USH2A: variants seen among roughly 807,000 people sequenced by gnomAD.
USH2A encodes the protein usherin.
A neutral mutation model predicts 538.9 loss-of-function variants in USH2A; 443 were observed. That is an observed-to-expected ratio of 0.82 (90% CI 0.76 to 0.89). The LOEUF is 0.89. USH2A is among the 40% of genes least tolerant of loss of function. The pLI is 0.00. For synonymous variants in USH2A, 2,413 were observed against 2,273.5 expected (o/e 1.06, Z -1.75); for missense variants, 6,633 against 6,324.8 (o/e 1.05, Z -1.65).
chr1:216,083,323 G>A, intron 26 of USH2A, 133 bp downstream of exon 26: 6 of 1,039,170 alleles, frequency 5.8e-6, no homozygotes. Flanking sequence ...AACTAAAAAT[G>A]ACTGGGAAAA....
At chr1:215,874,053 G>A (rs1211744755) in intron 43 of USH2A, among the ~76,000 whole-genome samples, 1 of 152,156 alleles carries the variant, frequency 6.6e-6, no homozygotes, top group Non-Finnish European at 1.5e-5. Context: ...TAGGAACCAA[G>A]GCAGTGTTGT....
At chr1:216,032,674 C>T (rs1669155204) in intron 32 of USH2A, among the ~76,000 whole-genome samples, 1 of 152,016 alleles carries the variant, frequency 6.6e-6, no homozygotes. Flanking sequence ...CAGCTGGAGG[C>T]AAAAGTCAGA....
At chr1:216,094,628 T>C (rs1276178774) in intron 22 of USH2A, among the ~76,000 whole-genome samples, 1 of 152,214 alleles carries the variant, frequency 6.6e-6, no homozygotes, top group Non-Finnish European at 1.5e-5. Context: ...TATTTCTGAC[T>C]CTGTTATTTT....
intron 61 of USH2A, among the ~76,000 whole-genome samples, chr1:215,716,032 A>G (rs1287533042): frequency 6.6e-6 from 1 of 152,274 alleles, no homozygotes; most frequent in Non-Finnish European, 1.5e-5. Context: ...GTTGAGATTA[A>G]TAACATGTCA....
intron 62 of USH2A, among the ~76,000 whole-genome samples, chr1:215,676,729 A>G (rs917380465): frequency 6.6e-6 from 1 of 152,174 alleles, no homozygotes; most frequent in African/African-American, 2.4e-5. Context: ...GGGGACTGCC[A>G]TATCTTCTGA....
chr1:215,651,924 A>G (rs1054953482), intron 64 of USH2A, among the ~76,000 whole-genome samples: 6 of 152,234 alleles, frequency 3.9e-5, no homozygotes, highest in Non-Finnish European at 8.8e-5. Context: ...AATTGTTTTC[A>G]GGTTGCTGTC....
intron 64 of USH2A, 87 bp from the exon 65 acceptor site, chr1:215,650,888 A>C: frequency 2.0e-6 from 3 of 1,482,830 alleles, no homozygotes; most frequent in Admixed American, 2.0e-5. Flanking sequence ...AAAAAACGAA[A>C]TTGGCAACCA....
At chr1:216,062,219 CATTA>C (rs1275622089) in intron 30 of USH2A, among the ~76,000 whole-genome samples, 2 of 152,014 alleles carry the variant, frequency 1.3e-5, no homozygotes, top group Non-Finnish European at 2.9e-5. Flanking sequence ...AGTTGCATGC[CATTA>C]ATTAGATCTA....
intron 3 of USH2A, among the ~76,000 whole-genome samples, chr1:216,379,703 T>C (rs1216451014): frequency 2.0e-5 from 3 of 152,192 alleles, no homozygotes; most frequent in African/African-American, 7.2e-5. Context: ...TGTCATTCCA[T>C]CTGAATCCAA....
intron 11 of USH2A, among the ~76,000 whole-genome samples, chr1:216,267,062 C>T (rs1458401757): frequency 6.6e-6 from 1 of 151,936 alleles, no homozygotes; most frequent in Non-Finnish European, 1.5e-5. Context: ...AGCGTAGATA[C>T]AGGAAAGTCC....
rs776483371 is a variant in USH2A at position 216,175,323 on chromosome 1, C to T, written c.4556G>A (p.Gly1519Glu). Residue 1519 changes from glycine (G) to glutamate (E), a missense_variant, in exon 21 of 72, where the codon GGA becomes GAA. Physicochemically the swap from Gly to Glu is moderately conservative, Grantham distance 98. Transcript: ENST00000307340. ...ATACCCATTTCCTATGAAACGGATT[C>T]CTTTCATCATCGTGGTCATCAGAGC... ...LPALMTTMMK[G>E]IRFIGNGYCK... The T allele has an allele frequency of 1.2e-6, 2 of 1,613,632 alleles. No homozygotes were observed. The highest frequency in any genetic ancestry group is 2.7e-5 in the African/African-American group (2 of 74,910).
chr1:216,059,413 C>T (rs191587058), intron 30 of USH2A, among the ~76,000 whole-genome samples: 8 of 152,278 alleles, frequency 5.3e-5, no homozygotes, highest in Admixed American at 3.9e-4. Context: ...TTTTTGTAGA[C>T]ACCCAAACAA....
intron 21 of USH2A, among the ~76,000 whole-genome samples, chr1:216,105,862 C>T (rs67177274): frequency 0.2 from 29,624 of 151,436 alleles, 3,471 homozygotes; most frequent in African/African-American, 0.31. Context: ...TTTGAATATT[C>T]TTTTAAATCC....
At chr1:215,917,738 G>A (rs1462012084) in intron 38 of USH2A, among the ~76,000 whole-genome samples, 2 of 139,026 alleles carry the variant, frequency 1.4e-5, no homozygotes, top group African/African-American at 2.7e-5. Flanking sequence ...GAGCCCGGGA[G>A]TTTGAGACGA....
chr1:216,365,204 G>T, intron 3 of USH2A, 119 bp from the exon 4 acceptor site: 1 of 1,176,274 alleles, frequency 8.5e-7, no homozygotes, highest in Non-Finnish European at 1.2e-6. Context: ...CAGCTGGGAA[G>T]ACTGAAAACA....
intron 36 of USH2A, among the ~76,000 whole-genome samples, chr1:215,967,748 C>CA (rs112172077): frequency 0.34 from 48,762 of 143,884 alleles, 8,051 homozygotes; most frequent in Middle Eastern, 0.39. Context: ...TGCTTCTTTG[C>CA]AAAAAAAAAA....
At chr1:215,853,840 G>A (rs561284215) in intron 44 of USH2A, among the ~76,000 whole-genome samples, 16 of 152,258 alleles carry the variant, frequency 1.1e-4, no homozygotes, top group African/African-American at 3.4e-4. Context: ...ACCTCAGACT[G>A]GATTTCATTG....
intron 2 of USH2A, 136 bp downstream of exon 2, chr1:216,421,716 A>G (rs2039678762): frequency 1.5e-6 from 2 of 1,370,106 alleles, no homozygotes; most frequent in Admixed American, 4.3e-5. Flanking sequence ...AATTGGGGAA[A>G]CAACTGGAAG....
intron 38 of USH2A, among the ~76,000 whole-genome samples, chr1:215,911,147 G>A (rs1238766915): frequency 1.3e-5 from 2 of 151,814 alleles, no homozygotes; most frequent in East Asian, 1.9e-4. Flanking sequence ...TGTGAAACAA[G>A]CACATCATGG....
Sources: allele counts gnomAD v4.1 joint callset (sites outside exome capture counted in the v4.1 genomes callset), GRCh38; gene constraint gnomAD v4.1.1; transcripts MANE v1.5; gene names NCBI Gene and HGNC (gene_info 2026-07-23, HGNC 2026-07-21).